The following HPGD variants were observed in gnomAD, a reference collection of about 807,000 sequenced individuals.
HPGD encodes the protein 15-hydroxyprostaglandin dehydrogenase [NAD(+)].
A neutral mutation model predicts 30.0 loss-of-function variants in HPGD; 29 were observed. That is an observed-to-expected ratio of 0.97 (90% confidence interval 0.72 to 1.32). The LOEUF is 1.32. Ranked by LOEUF, HPGD falls within the 40% of genes most tolerant of loss-of-function variation. The pLI is 0.00. For missense variants in HPGD, 340 were observed against 322.1 expected (o/e 1.06, Z -0.43); for synonymous variants, 99 against 112.4 (o/e 0.88, Z 0.75).
At chr4:174,495,277 T>A (rs1734534765) in intron 5 of HPGD, 1 of 444,304 alleles carries the variant, frequency 2.3e-6, no homozygotes, top group African/African-American at 2.0e-5. Context: ...TTGGGGTCAT[T>A]TTTGGAAATA....
intron 3 of HPGD, among the ~76,000 whole-genome samples, chr4:174,513,052 C>T (rs1311049080): frequency 6.6e-6 from 1 of 152,142 alleles, no homozygotes; most frequent in Non-Finnish European, 1.5e-5. Context: ...TTTACGTTAG[C>T]TGTAATCATT....
intron 2 of HPGD, among the ~76,000 whole-genome samples, chr4:174,518,592 T>C (rs1341831816): frequency 6.6e-6 from 1 of 152,212 alleles, no homozygotes; most frequent in Non-Finnish European, 1.5e-5. Context: ...CTATTATGCA[T>C]GTTTGGGGGA....
chr4:174,521,900 T>TTC, intron 2 of HPGD, 44 bp downstream of exon 2: 1 of 1,612,834 alleles, frequency 6.2e-7, no homozygotes, highest in South Asian at 1.1e-5. Flanking sequence ...TTGTTGCTTG[T>TTC]TGAGAGCACG....
chr4:174,522,661 T>G, upstream of HPGD: 1 of 471,124 alleles, frequency 2.1e-6, no homozygotes, highest in Non-Finnish European at 3.7e-6. Flanking sequence ...AGCTTCGCGA[T>G]CTTTGCCTTC....
chr4:174,495,028 A>G (rs545580008), intron 5 of HPGD, among the ~76,000 whole-genome samples: 1 of 152,240 alleles, frequency 6.6e-6, no homozygotes, highest in African/African-American at 2.4e-5. Flanking sequence ...TTCTCACCTC[A>G]TGCTGTCAAT....
chr4:174,495,831 A>T (rs1734570759), intron 4 of HPGD: 1 of 581,672 alleles, frequency 1.7e-6, no homozygotes, highest in Non-Finnish European at 3.1e-6. Context: ...TCCAGAATTT[A>T]TAGTAGCTAA....
At chr4:174,518,992 A>G (rs537746782) in intron 2 of HPGD, among the ~76,000 whole-genome samples, 15 of 140,318 alleles carry the variant, frequency 1.1e-4, no homozygotes, top group African/African-American at 3.7e-4. Flanking sequence ...CAAGTCCTTA[A>G]AAAAAGTAGG....
rs369002394 is a variant in HPGD at position 174,508,806 on chromosome 4, A to G, written c.325-14T>C. On this transcript the variant is annotated splice_polypyrimidine_tract_variant and intron_variant, in intron 3 of 6. Transcript: ENST00000296522. Reference sequence around the variant, plus strand: ...GATAACAGAAACCTAATCCAGAGGCATAAGTGAGAAAAGGAATACAGTCAT... The same window carrying G: ...GATAACAGAAACCTAATCCAGAGGCGTAAGTGAGAAAAGGAATACAGTCAT... 120 of 1,384,578 alleles carry G rather than the reference A, an allele frequency of 8.7e-5. No homozygotes were observed. Among genetic ancestry groups the G allele is most frequent in the Non-Finnish European group, 1.1e-4 (104 of 971,828 alleles). 85.8% of individuals were successfully genotyped at this position (1,384,578 alleles called of 1,614,324 possible). A position where few individuals can be genotyped will look rare whatever the true frequency, so the allele number is the denominator to read the frequency against.
At chr4:174,493,452 G>T in intron 5 of HPGD, 138 bp from the exon 6 acceptor site, 1 of 742,258 alleles carries the variant, frequency 1.3e-6, no homozygotes, top group Non-Finnish European at 2.3e-6. Flanking sequence ...ACAATGACTG[G>T]TAAATAGATA....
Position 174,508,601 on chromosome 4 carries a change from A to G in HPGD, c.421+95T>C, listed in dbSNP as rs1735301111. ...AAAACGATCAGATTTTTAATTTCCA[A>G]CTTGAGCTGATAATAAATATGCTTT... On this transcript the variant is annotated intron_variant, in intron 4 of 6. Coordinates refer to ENST00000296522, the MANE Select transcript of HPGD (RefSeq NM_000860.6). The G allele has an allele frequency of 5.0e-6, 4 of 801,328 alleles. No individual in the cohort carries two copies. The South Asian group carries it at 5.4e-5, about 11-fold the overall frequency. 49.6% of individuals were successfully genotyped at this position (801,328 alleles called of 1,614,324 possible). A position where few individuals can be genotyped will look rare whatever the true frequency, so the allele number is the denominator to read the frequency against.
At chr4:174,511,482 G>T (rs1176074836) in intron 3 of HPGD, among the ~76,000 whole-genome samples, 1 of 152,106 alleles carries the variant, frequency 6.6e-6, no homozygotes, top group Non-Finnish European at 1.5e-5. Context: ...ACATCAGTGG[G>T]GATGAACATA....
At chr4:174,511,639 C>CT (rs765158329) in intron 3 of HPGD, among the ~76,000 whole-genome samples, 26 of 151,968 alleles carry the variant, frequency 1.7e-4, no homozygotes, top group Non-Finnish European at 3.1e-4. Flanking sequence ...CTGAACATTT[C>CT]TTTTTTTTAA....
chr4:174,513,125 C>T (rs924136550), intron 3 of HPGD, among the ~76,000 whole-genome samples: 3 of 152,172 alleles, frequency 2.0e-5, no homozygotes, highest in East Asian at 1.9e-4. Flanking sequence ...ATTAGGAAGT[C>T]ACCAAATACA....
At chr4:174,493,082 CT>C in intron 6 of HPGD, 68 bp downstream of exon 6, 3 of 1,371,444 alleles carry the variant, frequency 2.2e-6, no homozygotes, top group Non-Finnish European at 3.0e-6. Context: ...TATTTCTTCC[CT>C]TTTTATAGCT....
In HPGD at chr4:174,522,098, T is replaced by G. The variant is rs200232509; in HGVS notation, c.94-31A>C. ...GACAAGAGGAGAGGAATCGCGGGCC[T>G]GCGCAGCTCACGAAATAGACGGACA... On this transcript the variant is annotated intron_variant, in intron 1 of 6. Coordinates refer to ENST00000296522, the MANE Select transcript of HPGD (RefSeq NM_000860.6). 4,558 of 1,614,058 alleles carry G rather than the reference T, an allele frequency of 2.8e-3. 9 individuals are homozygous for G. The highest frequency in any genetic ancestry group is 3.5e-3 in the Non-Finnish European group (4,186 of 1,179,988).
chr4:174,515,589 C>T (rs545819094), intron 3 of HPGD, among the ~76,000 whole-genome samples: 1 of 143,516 alleles, frequency 7.0e-6, no homozygotes, highest in South Asian at 2.3e-4. Flanking sequence ...GATGAAGTCT[C>T]CAAAAGCAAT....
chr4:174,517,838 A>G (rs1735867820), intron 3 of HPGD, 133 bp downstream of exon 3: 2 of 595,502 alleles, frequency 3.4e-6, no homozygotes, highest in Admixed American at 3.3e-5. Context: ...GCTTTTATCC[A>G]GCTTTCTGTA....
chr4:174,495,417 A>C, intron 5 of HPGD, 131 bp downstream of exon 5: 1 of 713,208 alleles, frequency 1.4e-6, no homozygotes. Flanking sequence ...ACTTTTTATA[A>C]TTGAGATGGA....
At chr4:174,518,213 A>G (rs997393388) in intron 2 of HPGD, 136 bp from the exon 3 acceptor site, 5 of 568,126 alleles carry the variant, frequency 8.8e-6, no homozygotes, top group Non-Finnish European at 1.6e-5. Flanking sequence ...GCTGAGTGTA[A>G]TTAATTCCTT....
Sources: allele counts gnomAD v4.1 joint callset (sites outside exome capture counted in the v4.1 genomes callset), GRCh38; gene constraint gnomAD v4.1.1; transcripts MANE v1.5; gene names NCBI Gene and HGNC (gene_info 2026-07-23, HGNC 2026-07-21).